STK3: variants seen among roughly 807,000 people sequenced by gnomAD.
The protein encoded by STK3 is serine/threonine-protein kinase 3.
A neutral mutation model predicts 58.0 loss-of-function variants in STK3; 41 were observed. The ratio of observed to expected loss-of-function variants is 0.71; its 90% CI spans 0.55 to 0.92. STK3 has a LOEUF of 0.92. Among genes scored for constraint, STK3 ranks in the 40% least tolerant of loss-of-function variants. STK3 has a pLI of 0.00. For missense variants in STK3, 479 were observed against 602.7 expected, an observed-to-expected ratio of 0.79 and a Z score of 2.15; for synonymous variants, 170 against 191.0, an observed-to-expected ratio of 0.89 and a Z score of 0.91.
chr8:98,588,727 A>G (rs1814929846), intron 7 of STK3, among the ~76,000 whole-genome samples: 2 of 151,262 alleles, frequency 1.3e-5, no homozygotes, highest in African/African-American at 2.4e-5. Context: ...CATCACTTTC[A>G]GGTACACCAA....
At chr8:98,848,437 T>C (rs1836298068) in intron 3 of STK3, among the ~76,000 whole-genome samples, 1 of 152,028 alleles carries the variant, frequency 6.6e-6, no homozygotes, top group Admixed American at 6.6e-5. Flanking sequence ...TTAGTAGAGA[T>C]GGGGCTTCTC....
Position 98,800,038 on chromosome 8 carries a change from C to T in STK3, c.27-25219G>A, listed in dbSNP as rs988122818. On this transcript the variant is annotated intron_variant, in intron 1 of 10. Coordinates refer to ENST00000419617, the MANE Select transcript of STK3 (RefSeq NM_006281.4). The surrounding 1 kb of genome is among the most constrained non-coding windows in gnomAD (Gnocchi z 4.8). Reference sequence around the variant, plus strand: ...ACAGGAAAAGGCTTCTGAAATCAGACGCCTTTCAAATTCTTATACCAACCT... The same window carrying T: ...ACAGGAAAAGGCTTCTGAAATCAGATGCCTTTCAAATTCTTATACCAACCT... 3.9e-5 allele frequency among the ~76,000 whole-genome samples: 6 copies of T among 152,004 alleles called. No homozygotes were observed. The highest frequency in any genetic ancestry group is 6.6e-5 in the Admixed American group (1 of 15,258).
intron 3 of STK3, among the ~76,000 whole-genome samples, chr8:98,837,320 A>G (rs1835781776): frequency 6.6e-6 from 1 of 151,402 alleles, no homozygotes. Flanking sequence ...TCTATCATTC[A>G]GAAAAGTGCT....
At chr8:98,920,436 G>A (rs748809553) in intron 1 of STK3, among the ~76,000 whole-genome samples, 2 of 152,180 alleles carry the variant, frequency 1.3e-5, no homozygotes, top group Non-Finnish European at 2.9e-5. Context: ...CAGCTCTCCT[G>A]TCAGCCTGCA....
upstream of STK3, among the ~76,000 whole-genome samples, chr8:98,390,221 T>C (rs1349678006): frequency 6.6e-6 from 1 of 152,234 alleles, no homozygotes; most frequent in Non-Finnish European, 1.5e-5. Context: ...TGGCAACAAA[T>C]TCTCTTAGTT....
At chr8:98,778,068 A>C (rs887636860) in intron 1 of STK3, among the ~76,000 whole-genome samples, 6 of 152,206 alleles carry the variant, frequency 3.9e-5, no homozygotes, top group African/African-American at 1.4e-4. Flanking sequence ...ACAGCAAAAG[A>C]AACTACCATC....
chr8:98,362,874 A>G, the STK3 span, among the ~76,000 whole-genome samples: 10 of 152,216 alleles, frequency 6.6e-5, no homozygotes, highest in Non-Finnish European at 1.5e-4. Context: ...ACCCAGAAGG[A>G]TAGATATTCT....
chr8:98,667,953 A>G (rs1822494429), intron 6 of STK3, among the ~76,000 whole-genome samples: 1 of 152,090 alleles, frequency 6.6e-6, no homozygotes, highest in Non-Finnish European at 1.5e-5. Flanking sequence ...CAAGTGACTC[A>G]CCATATAAAA....
rs138745260 is a variant in STK3, at chr8:98,701,337, G to T, written c.684+5130C>A. 2.2e-4 allele frequency among the ~76,000 whole-genome samples: 34 copies of T among 152,240 alleles called. 1 individual carries two copies. In the East Asian group the frequency reaches 5.0e-3, roughly 22 times the overall value. On this transcript the variant is annotated intron_variant, in intron 6 of 10. Coordinates refer to ENST00000419617, the MANE Select transcript of STK3 (RefSeq NM_006281.4). ...TACATATATATACATACTTCCTAAGGCTGAGTGCACTGGCTTACGCCTATA... is the reference window on the plus strand; with the variant it reads ...TACATATATATACATACTTCCTAAGTCTGAGTGCACTGGCTTACGCCTATA...
intron 3 of STK3, among the ~76,000 whole-genome samples, chr8:98,859,351 A>G (rs1425230779): frequency 6.6e-6 from 1 of 152,242 alleles, no homozygotes; most frequent in Non-Finnish European, 1.5e-5. Flanking sequence ...TGAGATGTCA[A>G]AATGACAAGG....
At chr8:98,351,169 A>G in the STK3 span, among the ~76,000 whole-genome samples, 1 of 152,358 alleles carries the variant, frequency 6.6e-6, no homozygotes, top group Admixed American at 6.5e-5. Flanking sequence ...AACTGGCTCC[A>G]TAAGTCCCTC....
intron 3 of STK3, among the ~76,000 whole-genome samples, chr8:98,412,567 G>A (rs1424428296): frequency 6.6e-6 from 1 of 152,146 alleles, no homozygotes; most frequent in Non-Finnish European, 1.5e-5. Context: ...GCTACAGCAG[G>A]GCAACAATGT....
At chr8:98,494,289 C>T (rs1822944775) in intron 10 of STK3, among the ~76,000 whole-genome samples, 1 of 152,116 alleles carries the variant, frequency 6.6e-6, no homozygotes, top group Non-Finnish European at 1.5e-5. Flanking sequence ...TTCCACTTGT[C>T]TATCTGGTAC....
At chr8:98,903,542 TTCTTCTTCTTCTTC>T (rs1838751416) in intron 1 of STK3, among the ~76,000 whole-genome samples, 2 of 25,728 alleles carry the variant, frequency 7.8e-5, no homozygotes, top group Non-Finnish European at 1.2e-4. Context: ...CTTCTTCTTC[TTCTTCTTCTTCTTC>T]CTTTTTTTTT....
At chr8:98,613,557 CAAA>C (rs1817371022) in intron 6 of STK3, among the ~76,000 whole-genome samples, 1 of 151,334 alleles carries the variant, frequency 6.6e-6, no homozygotes. Flanking sequence ...AATAAACCAC[CAAA>C]AAGTTTTGCA....
chr8:98,759,892 T>C (rs1038187150), intron 3 of STK3, among the ~76,000 whole-genome samples: 2 of 152,198 alleles, frequency 1.3e-5, no homozygotes, highest in Non-Finnish European at 2.9e-5. Context: ...AAGTTCCTTA[T>C]ATTAAATGGC....
intron 2 of STK3, among the ~76,000 whole-genome samples, chr8:98,774,175 T>C (rs1044263140): frequency 1.4e-4 from 21 of 152,186 alleles, no homozygotes; most frequent in Non-Finnish European, 2.9e-5. Flanking sequence ...TTTAATTCTG[T>C]TTTGTACCTT....
intron 1 of STK3, among the ~76,000 whole-genome samples, chr8:98,937,969 A>G (rs767698862): frequency 4.6e-5 from 7 of 152,234 alleles, no homozygotes; most frequent in East Asian, 3.8e-4. Context: ...ATTCCTGACC[A>G]CTGTAACATC....
Position 98,800,154 on chromosome 8 carries a change from C to T in STK3, c.27-25335G>A, listed in dbSNP as rs749652915. Among the ~76,000 whole-genome samples, 2 of 152,228 alleles carry T rather than the reference C, an allele frequency of 1.3e-5. No homozygotes were observed. Among genetic ancestry groups the T allele is most frequent in the Non-Finnish European group, 2.9e-5 (2 of 68,042 alleles). ...CCTTTGGACCCTATATTTTTAACCTCCTTGTTTTGTTTCCTCTAGAATTGA... is the reference window on the plus strand; with the variant it reads ...CCTTTGGACCCTATATTTTTAACCTTCTTGTTTTGTTTCCTCTAGAATTGA... On this transcript the variant is annotated intron_variant, in intron 1 of 10. Transcript: ENST00000419617. This position sits in a 1 kb window ranked among gnomAD's most constrained non-coding sequence, Gnocchi z 4.8.
Sources: allele counts gnomAD v4.1 joint callset (sites outside exome capture counted in the v4.1 genomes callset), GRCh38; gene constraint gnomAD v4.1.1; non-coding constraint Gnocchi (gnomAD v3.1); transcripts MANE v1.5; gene names NCBI Gene and HGNC (gene_info 2026-07-23, HGNC 2026-07-21).